Variants in PTPRM observed in about 807,000 individuals in gnomAD.
The protein encoded by PTPRM is protein tyrosine phosphatase receptor type M.
PTPRM carries 47 observed loss-of-function variants against 186.7 expected under a neutral mutation model. The ratio of observed to expected loss-of-function variants is 0.25; its 90% CI spans 0.20 to 0.32. The LOEUF is 0.32. Ranked by LOEUF, PTPRM falls within the 10% of genes least tolerant of loss-of-function variation. The pLI is 1.00. For missense variants in PTPRM, 1,494 were observed against 1,865.0 expected (o/e 0.80, Z 3.66); for synonymous variants, 668 against 674.9 (o/e 0.99, Z 0.16).
At chr18:7,997,023 A>C (rs2083580135) in intron 7 of PTPRM, among the ~76,000 whole-genome samples, 1 of 152,166 alleles carries the variant, frequency 6.6e-6, no homozygotes, top group African/African-American at 2.4e-5. Context: ...GACATTGTTC[A>C]CAGAAATAGA....
chr18:8,126,004 TATATATATATATA>T lies in PTPRM; in HGVS notation c.2167+11178_2167+11190del, dbSNP rs1156649729. Among the ~76,000 whole-genome samples, 30 of 36,932 alleles carry T rather than the reference TATATATATATATA, an allele frequency of 8.1e-4. 2 individuals carry two copies. Among genetic ancestry groups the T allele is most frequent in the African/African-American group, 1.5e-3 (15 of 10,162 alleles). 24.2% of individuals were successfully genotyped at this position (36,932 alleles called of 152,430 possible). A position where few individuals can be genotyped will look rare whatever the true frequency, so the allele number is the denominator to read the frequency against. On this transcript the variant is annotated intron_variant, in intron 13 of 32. Coordinates refer to ENST00000580170, the MANE Select transcript of PTPRM (RefSeq NM_001105244.2). Reference sequence around the variant, plus strand: ...ATATATATATATATATATATATATATATATATATATATATATATATATATTTTAAATCAGTAGA... The same window carrying T: ...ATATATATATATATATATATATATATTATATATATATTTTAAATCAGTAGA...
chr18:7,705,435 G>C (rs1467579941), intron 1 of PTPRM, among the ~76,000 whole-genome samples: 1 of 151,486 alleles, frequency 6.6e-6, no homozygotes, highest in African/African-American at 2.4e-5. Flanking sequence ...GTTGTACTTA[G>C]GTGTTAATAT....
At position 8,376,065 on chromosome 18, in the gene PTPRM, G is replaced by T; in HGVS notation, c.3191G>T (p.Arg1064Leu). Residue 1064 changes from arginine to leucine, a missense_variant, in exon 25 of 33, where the codon CGA becomes CTA. Physicochemically the swap from Arg to Leu is moderately radical, Grantham distance 102. Around this residue, in one of 3 missense-constraint regions of PTPRM, gnomAD observed 1,107 missense variants for 1,350.2 expected, o/e 0.82. Coordinates refer to ENST00000580170, the MANE Select transcript of PTPRM (RefSeq NM_001105244.2). ...CTGCAGAGAGGTGTGCATGAAATCC[G>T]AGAGATCAGACAGTTTCACTTCACT... ...AVEKRGVHEIREIRQFHFTGW... is the reference protein window; with the variant it reads ...AVEKRGVHEILEIRQFHFTGW... 6.2e-7 allele frequency: 1 copy of T among 1,611,210 alleles called. No individual in the cohort carries two copies. The highest frequency in any genetic ancestry group is 8.5e-7 in the Non-Finnish European group (1 of 1,177,622).
At chr18:7,777,494 T>C (rs2042645561) in intron 2 of PTPRM, among the ~76,000 whole-genome samples, 2 of 152,202 alleles carry the variant, frequency 1.3e-5, no homozygotes, top group African/African-American at 4.8e-5. Flanking sequence ...CAGAGACTGG[T>C]CCACAAAGCG....
At chr18:8,200,989 G>A (rs1039194988) in intron 14 of PTPRM, among the ~76,000 whole-genome samples, 3 of 152,090 alleles carry the variant, frequency 2.0e-5, no homozygotes, top group Non-Finnish European at 2.9e-5. Flanking sequence ...TAATTAATAT[G>A]ATTAATAATA....
intron 23 of PTPRM, among the ~76,000 whole-genome samples, chr18:8,369,969 AAAAC>A (rs2148450584): frequency 6.6e-6 from 1 of 152,268 alleles, no homozygotes; most frequent in South Asian, 2.1e-4. Flanking sequence ...AAACAAAACA[AAAAC>A]AAATAAAAAA....
intron 5 of PTPRM, among the ~76,000 whole-genome samples, chr18:7,933,667 A>G (rs1386101822): frequency 1.3e-5 from 2 of 152,202 alleles, no homozygotes; most frequent in Non-Finnish European, 2.9e-5. Flanking sequence ...TGGCTACCCA[A>G]ACAAATCGTG....
chr18:7,857,050 C>T (rs2047130772), intron 2 of PTPRM, among the ~76,000 whole-genome samples: 1 of 152,196 alleles, frequency 6.6e-6, no homozygotes, highest in Non-Finnish European at 1.5e-5. Flanking sequence ...CCTATCATTG[C>T]TCAATCTCAC....
At chr18:8,114,854 C>T in intron 13 of PTPRM, 27 bp downstream of exon 13, 2 of 1,592,890 alleles carry the variant, frequency 1.3e-6, no homozygotes, top group Non-Finnish European at 1.7e-6. Context: ...GGATATTCTC[C>T]TAATTAATGT....
At chr18:7,939,539 A>C (rs1254079394) in intron 5 of PTPRM, among the ~76,000 whole-genome samples, 4 of 152,246 alleles carry the variant, frequency 2.6e-5, no homozygotes, top group Non-Finnish European at 5.9e-5. Context: ...AGCCTGCTCA[A>C]ATTGAAATAC....
intron 7 of PTPRM, among the ~76,000 whole-genome samples, chr18:8,067,751 A>G (rs1481681021): frequency 1.3e-5 from 2 of 152,248 alleles, no homozygotes; most frequent in Non-Finnish European, 2.9e-5. Flanking sequence ...ACAATAGTCT[A>G]GACAAGTTTG....
At chr18:7,914,505 G>A (rs889343507) in intron 4 of PTPRM, among the ~76,000 whole-genome samples, 1 of 152,016 alleles carries the variant, frequency 6.6e-6, no homozygotes, top group Non-Finnish European at 1.5e-5. Flanking sequence ...TGTATAAGAA[G>A]AAAATAATAA....
chr18:7,999,675 G>A (rs754342169), intron 7 of PTPRM, among the ~76,000 whole-genome samples: 6 of 151,886 alleles, frequency 4.0e-5, no homozygotes, highest in Non-Finnish European at 5.9e-5. Flanking sequence ...CTAATATAAT[G>A]TGTTGATGCT....
At position 7,932,222 on chromosome 18, in the gene PTPRM, G is replaced by T. The variant is rs766507636; in HGVS notation, c.663+5539G>T. Among the ~76,000 whole-genome samples the T allele has an allele frequency of 9.2e-5, 14 of 152,276 alleles. No homozygotes were observed. The South Asian group carries it at 2.9e-3, about 32-fold the overall frequency. On this transcript the variant is annotated intron_variant, in intron 5 of 32. Transcript: ENST00000580170. ...CTTTGATCAGGCTAGGGGTTGAGGT[G>T]TGCATGTTGAGTGAATAGCAGTTGG... is the stretch of plus-strand genomic sequence containing the variant.
chr18:8,142,179 T>C (rs1343247513), intron 13 of PTPRM, among the ~76,000 whole-genome samples: 1 of 152,206 alleles, frequency 6.6e-6, no homozygotes, highest in African/African-American at 2.4e-5. Flanking sequence ...TTGTCAGAAA[T>C]AAAATTGACC....
At chr18:8,104,483 T>C in intron 11 of PTPRM, among the ~76,000 whole-genome samples, 1 of 152,294 alleles carries the variant, frequency 6.6e-6, no homozygotes, top group East Asian at 1.9e-4. Context: ...CTTGCTCCAT[T>C]GTCCAGGCTG....
In PTPRM at chr18:7,919,038, A is replaced by G. The variant is rs185716686; in HGVS notation, c.548-7530A>G. On this transcript the variant is annotated intron_variant, in intron 4 of 32. Coordinates refer to ENST00000580170, the MANE Select transcript of PTPRM (RefSeq NM_001105244.2). ...TTCTCCTGTTTTCCCAGCAGCAGTT[A>G]TTGAAGAGACTGTCCTTTCTTCGTT... 2.0e-5 allele frequency among the ~76,000 whole-genome samples: 3 copies of G among 152,258 alleles called. No individual in the cohort carries two copies. In the East Asian group the frequency reaches 5.8e-4, roughly 29 times the overall value.
At chr18:7,791,177 C>G (rs955398840) in intron 2 of PTPRM, among the ~76,000 whole-genome samples, 1 of 152,068 alleles carries the variant, frequency 6.6e-6, no homozygotes, top group South Asian at 2.1e-4. Flanking sequence ...ATATGTCTAT[C>G]GACTTACTGA....
intron 18 of PTPRM, 51 bp downstream of exon 18, chr18:8,252,550 T>G (rs767730654): frequency 2.3e-5 from 35 of 1,508,656 alleles, no homozygotes; most frequent in Non-Finnish European, 3.2e-5. Context: ...AGTGGGAGTG[T>G]GTGTCTTACT....
Sources: allele counts gnomAD v4.1 joint callset (sites outside exome capture counted in the v4.1 genomes callset), GRCh38; gene constraint gnomAD v4.1.1; regional missense constraint gnomAD v4.1.1; transcripts MANE v1.5; gene names NCBI Gene and HGNC (gene_info 2026-07-23, HGNC 2026-07-21).